Variants in IQCM observed in about 807,000 individuals in gnomAD.
The protein encoded by IQCM is IQ motif containing M, also known as IQ domain-containing protein M.
In IQCM, 45 loss-of-function variants were observed where a neutral mutation model predicts 57.6. That is an observed-to-expected ratio of 0.78 (90% CI 0.62 to 1.00). IQCM has a LOEUF of 1.00. Among genes scored for constraint, IQCM ranks in the 50% least tolerant of loss-of-function variants. IQCM has a pLI of 0.00. For missense variants in IQCM, 468 were observed against 511.6 expected, an observed-to-expected ratio of 0.91 and a Z score of 0.82; for synonymous variants, 148 against 158.9, an observed-to-expected ratio of 0.93 and a Z score of 0.51.
intron 12 of IQCM, among the ~76,000 whole-genome samples, chr4:149,481,707 T>TTTTTTTTTTGTTTG (rs1740874243): frequency 1.5e-5 from 2 of 136,416 alleles, no homozygotes; most frequent in African/African-American, 5.4e-5. Context: ...TTTTGTTTTT[T>TTTTTTTTTTGTTTG]TTTTTTTTTT....
intron 12 of IQCM, among the ~76,000 whole-genome samples, chr4:149,504,430 AT>A (rs1216306394): frequency 6.6e-6 from 1 of 152,120 alleles, no homozygotes; most frequent in African/African-American, 2.4e-5. Context: ...TACAGACTGA[AT>A]GATTGTGTGC....
At chr4:149,637,659 G>A (rs746269675) in intron 7 of IQCM, among the ~76,000 whole-genome samples, 7 of 152,094 alleles carry the variant, frequency 4.6e-5, no homozygotes, top group Non-Finnish European at 8.8e-5. Flanking sequence ...AAGATAATAC[G>A]GTATTAGCAA....
intron 8 of IQCM, among the ~76,000 whole-genome samples, chr4:149,609,179 G>A (rs1755057518): frequency 6.6e-6 from 1 of 151,628 alleles, no homozygotes; most frequent in South Asian, 2.1e-4. Flanking sequence ...AACCTACGAA[G>A]ATTGAACCAT....
intron 2 of IQCM, among the ~76,000 whole-genome samples, chr4:149,747,011 C>G (rs533859014): frequency 6.6e-6 from 1 of 152,278 alleles, no homozygotes; most frequent in South Asian, 2.1e-4. Context: ...CCTAGTCACC[C>G]TTCTCTGATA....
At position 149,501,715 on chromosome 4, in the gene IQCM, C is replaced by T. The variant is rs115217543; in HGVS notation, c.1228+46740G>A. On this transcript the variant is annotated intron_variant, in intron 12 of 13. Coordinates refer to ENST00000636793, the MANE Select transcript of IQCM (RefSeq NM_001363507.2). The stretch of plus-strand genomic sequence containing the variant: ...AGAAACATCAGGAAGAAGGAAAAAC[C>T]GGTAACTAACTTTGGAGAATAAACA... 3.3e-3 allele frequency among the ~76,000 whole-genome samples: 498 copies of T among 152,116 alleles called. 4 individuals carry two copies. The highest frequency in any genetic ancestry group is 0.011 in the African/African-American group (463 of 41,506).
In IQCM at chr4:149,369,584, A is replaced by G. The variant is rs755351297; in HGVS notation, c.1391-17518T>C. ...ATGATGATCTACCAGAAAATTCACA[A>G]GCAAGTGCTTAATTATTCACTTTAT... On this transcript the variant is annotated intron_variant, in intron 13 of 13. Transcript: ENST00000636793. Among the ~76,000 whole-genome samples, 53 of 152,320 alleles carry G rather than the reference A, an allele frequency of 3.5e-4. 1 individual carries two copies. Among genetic ancestry groups the G allele is most frequent in the Middle Eastern group, 6.8e-3 (2 of 294 alleles).
chr4:149,481,928 G>A (rs1230521193), intron 12 of IQCM, among the ~76,000 whole-genome samples: 1 of 472 alleles, frequency 2.1e-3, no homozygotes, highest in Admixed American at 0.025. Context: ...CCTTTTTTTG[G>A]GGGGGTTGGT....
At chr4:149,356,582 C>T (rs1222120093) in intron 13 of IQCM, among the ~76,000 whole-genome samples, 2 of 152,064 alleles carry the variant, frequency 1.3e-5, no homozygotes, top group Non-Finnish European at 2.9e-5. Flanking sequence ...TCTGAGGGCT[C>T]TGTTCTGTTT....
chr4:149,727,015 G>A (rs1020377074), intron 5 of IQCM, among the ~76,000 whole-genome samples: 3 of 152,036 alleles, frequency 2.0e-5, no homozygotes, highest in African/African-American at 7.2e-5. Context: ...CTCCCAAAGT[G>A]CTGGGATTAC....
intron 8 of IQCM, among the ~76,000 whole-genome samples, chr4:149,620,726 GC>G (rs1756256927): frequency 1.3e-5 from 2 of 152,140 alleles, no homozygotes; most frequent in Non-Finnish European, 2.9e-5. Flanking sequence ...TCATAAAATT[GC>G]CCTTGGATTT....
At chr4:149,442,585 T>C (rs1253941743) in intron 12 of IQCM, among the ~76,000 whole-genome samples, 1 of 152,094 alleles carries the variant, frequency 6.6e-6, no homozygotes, top group Non-Finnish European at 1.5e-5. Flanking sequence ...GAATCTCTTC[T>C]CGTCCAGTTA....
chr4:149,588,872 C>T (rs1752879108), intron 8 of IQCM, among the ~76,000 whole-genome samples: 1 of 151,926 alleles, frequency 6.6e-6, no homozygotes, highest in African/African-American at 2.4e-5. Flanking sequence ...TGTAACAAAG[C>T]AAGCTTATTT....
chr4:149,590,563 T>A (rs1241975286), intron 8 of IQCM, among the ~76,000 whole-genome samples: 2 of 151,988 alleles, frequency 1.3e-5, no homozygotes, highest in Admixed American at 6.6e-5. Context: ...CAATCCATCA[T>A]CTGCATTAGG....
intron 12 of IQCM, among the ~76,000 whole-genome samples, chr4:149,484,806 T>A (rs1349445557): frequency 1.3e-5 from 2 of 152,040 alleles, no homozygotes; most frequent in Non-Finnish European, 2.9e-5. Flanking sequence ...TTCAGACGAT[T>A]TTTTCTTGCT....
intron 9 of IQCM, among the ~76,000 whole-genome samples, chr4:149,566,532 G>T (rs1028611524): frequency 6.6e-6 from 1 of 152,076 alleles, no homozygotes. Flanking sequence ...GAGAGAGAGA[G>T]AGAAAAGTGA....
Position 149,354,382 on chromosome 4 carries a change from A to AAAAAAAAAC in IQCM, c.1391-2317_1391-2316insGTTTTTTTT, listed in dbSNP as rs764445072. Among the ~76,000 whole-genome samples, 78 of 136,526 alleles carry AAAAAAAAAC rather than the reference A, an allele frequency of 5.7e-4. 4 individuals are homozygous for AAAAAAAAAC. Among genetic ancestry groups the AAAAAAAAAC allele is most frequent in the South Asian group, 1.0e-3 (4 of 3,976 alleles). 89.6% of individuals were successfully genotyped at this position (136,526 alleles called of 152,430 possible). On this transcript the variant is annotated intron_variant, in intron 13 of 13. Transcript: ENST00000636793. The stretch of plus-strand genomic sequence containing the variant: ...CCGTCTCAAAAAAAAAAAAAAAAAA[A>AAAAAAAAAC]AAAAAAACTGACAAATTAGGCCACA...
In IQCM at chr4:149,586,190, A is replaced by T. The variant is rs116772314; in HGVS notation, c.749+1740T>A. On this transcript the variant is annotated intron_variant, in intron 9 of 13. Transcript: ENST00000636793. ...CACGAACTGCTTTGAACACCATCAA[A>T]TATTTTCAAAATAATGTACATGTGA... 1.3e-3 allele frequency among the ~76,000 whole-genome samples: 198 copies of T among 151,772 alleles called. 2 individuals are homozygous for T. The highest frequency in any genetic ancestry group is 4.6e-3 in the African/African-American group (189 of 41,496).
chr4:149,493,805 T>C (rs1443645629), intron 12 of IQCM, among the ~76,000 whole-genome samples: 2 of 151,228 alleles, frequency 1.3e-5, no homozygotes, highest in Admixed American at 1.3e-4. Context: ...CTGCAAACGC[T>C]GTCCTTCACT....
chr4:149,628,519 G>C (rs1221421072), intron 7 of IQCM, among the ~76,000 whole-genome samples: 1 of 152,016 alleles, frequency 6.6e-6, no homozygotes, highest in Non-Finnish European at 1.5e-5. Flanking sequence ...TCAAAGATGA[G>C]AATTATAAGA....
Sources: gnomAD v4.1 joint callset for allele counts (sites outside exome capture counted in the v4.1 genomes callset) on GRCh38, gnomAD v4.1.1 for gene constraint, MANE v1.5 for transcripts, NCBI Gene and HGNC (gene_info 2026-07-23, HGNC 2026-07-21) for gene names.